The following SMPX variants were observed in gnomAD, a reference collection of about 807,000 sequenced individuals.
SMPX encodes small muscular protein.
A neutral mutation model predicts 6.3 loss-of-function variants in SMPX; 2 were observed. The observed-to-expected ratio is 0.32, with a 90% CI of 0.13 to 0.99. The LOEUF (loss-of-function observed/expected upper bound fraction) is 0.99. SMPX is among the 50% of genes least tolerant of loss of function. The probability of loss-of-function intolerance (pLI) is 0.49; values close to 1 mark genes in which losing one functional copy is unlikely to be tolerated. For missense variants in SMPX, 60 were observed against 66.8 expected (o/e 0.90, Z 0.36); for synonymous variants, 32 against 24.7 (o/e 1.30, Z -0.88).
intron 3 of SMPX, among the ~76,000 whole-genome samples, chrX:21,739,148 T>G (rs901409332): frequency 1.1e-4 from 12 of 111,273 alleles, no homozygotes; most frequent in African/African-American, 3.9e-4. Flanking sequence ...GTCATTTGGG[T>G]ATTAAAGCTG....
intron 3 of SMPX, among the ~76,000 whole-genome samples, chrX:21,743,029 A>G (rs2147389937): frequency 8.9e-6 from 1 of 112,049 alleles, no homozygotes; most frequent in African/African-American, 3.2e-5. Context: ...AAATATAAAC[A>G]TCTGAGGAAG....
chrX:21,716,605 G>T (rs1457080783), intron 4 of SMPX, among the ~76,000 whole-genome samples: 2 of 112,442 alleles, frequency 1.8e-5, no homozygotes, highest in Non-Finnish European at 1.9e-5. Flanking sequence ...CAGGGACAAA[G>T]ATCCACAAAA....
At chrX:21,718,223 G>T (rs1302772572) in intron 4 of SMPX, among the ~76,000 whole-genome samples, 1 of 112,573 alleles carries the variant, frequency 8.9e-6, no homozygotes, top group East Asian at 2.8e-4. Flanking sequence ...TGCTCCAATT[G>T]TTCAGCGAGG....
intron 4 of SMPX, among the ~76,000 whole-genome samples, chrX:21,727,845 C>T (rs778561291): frequency 1.8e-5 from 2 of 112,413 alleles, no homozygotes; most frequent in Non-Finnish European, 3.8e-5. Context: ...CTCGTGATTC[C>T]TTCTCCTTCT....
chrX:21,752,785 G>T (rs1302383041), intron 2 of SMPX, among the ~76,000 whole-genome samples: 3 of 111,375 alleles, frequency 2.7e-5, no homozygotes, highest in Non-Finnish European at 5.7e-5. Context: ...CCAAAGTGCT[G>T]GGATTACAGG....
intron 4 of SMPX, among the ~76,000 whole-genome samples, chrX:21,711,074 A>G (rs1320202170): frequency 1.8e-5 from 2 of 111,823 alleles, no homozygotes; most frequent in Non-Finnish European, 3.8e-5. Context: ...CGTCAGATAT[A>G]GTCCATCCCA....
At chrX:21,731,480 AT>A (rs1274922001) in intron 4 of SMPX, among the ~76,000 whole-genome samples, 2,845 of 83,149 alleles carry the variant, frequency 0.034, 607 homozygotes, top group African/African-American at 0.096. Context: ...ACACATACAC[AT>A]TATGTGTGTA....
chrX:21,726,490 C>G (rs2092797109), intron 4 of SMPX, among the ~76,000 whole-genome samples: 1 of 112,207 alleles, frequency 8.9e-6, no homozygotes, highest in East Asian at 2.8e-4. Flanking sequence ...GATAGGGGAT[C>G]TTAAATTAAG....
intron 4 of SMPX, among the ~76,000 whole-genome samples, chrX:21,734,932 A>G (rs955437262): frequency 9.8e-5 from 11 of 111,817 alleles, no homozygotes; most frequent in African/African-American, 3.6e-4. Flanking sequence ...AAGTACTGTA[A>G]TAGTTATAAT....
At chrX:21,750,964 G>A (rs142678892) in intron 2 of SMPX, among the ~76,000 whole-genome samples, 252 of 112,241 alleles carry the variant, frequency 2.2e-3, no homozygotes, top group South Asian at 6.0e-3. Flanking sequence ...TTACAGAAAG[G>A]TGGACTAAAG....
rs1013913976 is a variant in SMPX at position 21,705,987 on chromosome X, T to A, written c.*422A>T. 3 of 461,609 alleles carry A rather than the reference T, an allele frequency of 6.5e-6. 1 individual carries two copies. The Admixed American group carries it at 1.0e-4, about 16-fold the overall frequency. 38.0% of individuals were successfully genotyped at this position (461,609 alleles called of 1,213,427 possible). ...TTAGTCTAGATTCACATTTTACATTTAGTCAAATATTTATTTGAACTCATA... is the reference window on the plus strand; with the variant it reads ...TTAGTCTAGATTCACATTTTACATTAAGTCAAATATTTATTTGAACTCATA... On this transcript the variant is annotated 3_prime_UTR_variant, in exon 5 of 5. Coordinates refer to ENST00000379494, the MANE Select transcript of SMPX (RefSeq NM_014332.3).
intron 4 of SMPX, among the ~76,000 whole-genome samples, chrX:21,725,122 A>C (rs1355950679): frequency 8.9e-6 from 1 of 111,818 alleles, no homozygotes; most frequent in African/African-American, 3.3e-5. Flanking sequence ...CAACATAGAC[A>C]TAATTTGATT....
chrX:21,726,965 G>A (rs930978410), intron 4 of SMPX, among the ~76,000 whole-genome samples: 11 of 112,119 alleles, frequency 9.8e-5, no homozygotes, highest in South Asian at 7.4e-4. Flanking sequence ...TTCAAAGGCC[G>A]TGCCTTCTCA....
intron 4 of SMPX, among the ~76,000 whole-genome samples, chrX:21,719,515 CAA>C (rs371629683): frequency 1.2e-5 from 1 of 81,484 alleles, no homozygotes. Flanking sequence ...GAGATTCCAT[CAA>C]AAAAAAAAAG....
At chrX:21,728,680 G>A (rs1770821784) in intron 4 of SMPX, among the ~76,000 whole-genome samples, 1 of 112,412 alleles carries the variant, frequency 8.9e-6, no homozygotes, top group African/African-American at 3.2e-5. Context: ...AGAATGCAGT[G>A]GGTGATAGTG....
At chrX:21,709,041 T>A (rs1046569726) in intron 4 of SMPX, among the ~76,000 whole-genome samples, 1 of 112,866 alleles carries the variant, frequency 8.9e-6, no homozygotes, top group East Asian at 2.8e-4. Flanking sequence ...CACATTTTCT[T>A]TATTCATACA....
chrX:21,726,935 C>T (rs1350010583), intron 4 of SMPX, among the ~76,000 whole-genome samples: 1 of 112,315 alleles, frequency 8.9e-6, no homozygotes, highest in Non-Finnish European at 1.9e-5. Context: ...CCTGTCTAGA[C>T]TCTTTCTTTG....
intron 4 of SMPX, among the ~76,000 whole-genome samples, chrX:21,709,724 G>A (rs2092776503): frequency 8.9e-6 from 1 of 111,830 alleles, no homozygotes; most frequent in African/African-American, 3.3e-5. Flanking sequence ...CTAGCCCCAT[G>A]ATGGCCAGGG....
intron 4 of SMPX, among the ~76,000 whole-genome samples, chrX:21,733,989 C>A (rs1051808452): frequency 1.8e-5 from 2 of 111,738 alleles, no homozygotes; most frequent in African/African-American, 6.5e-5. Flanking sequence ...CATACCTTAG[C>A]CCCTCAAAAG....
Sources: allele counts gnomAD v4.1 joint callset (sites outside exome capture counted in the v4.1 genomes callset), GRCh38; gene constraint gnomAD v4.1.1; transcripts MANE v1.5; gene names NCBI Gene and HGNC (gene_info 2026-07-23, HGNC 2026-07-21).